Variants in AGO4 observed in about 807,000 individuals in gnomAD.
The protein encoded by AGO4 is protein argonaute-4.
A neutral mutation model predicts 104.7 loss-of-function variants in AGO4; 33 were observed. The ratio of observed to expected loss-of-function variants is 0.32; its 90% CI spans 0.24 to 0.42. The LOEUF is 0.42. Among genes scored for constraint, AGO4 ranks in the 10% least tolerant of loss-of-function variants. The pLI is 1.00. For synonymous variants in AGO4, 331 were observed against 364.7 expected, an observed-to-expected ratio of 0.91 and a Z score of 1.05; for missense variants, 711 against 1,083.4, an observed-to-expected ratio of 0.66 and a Z score of 4.83.
chr1:35,818,887 A>C (rs1269547306), intron 2 of AGO4, among the ~76,000 whole-genome samples: 1 of 152,186 alleles, frequency 6.6e-6, no homozygotes, highest in East Asian at 1.9e-4. Flanking sequence ...TGACTAAATA[A>C]ATCTAAGACA....
chr1:35,850,486 A>G (rs1297435036), intron 16 of AGO4, among the ~76,000 whole-genome samples: 1 of 152,050 alleles, frequency 6.6e-6, no homozygotes, highest in South Asian at 2.1e-4. Flanking sequence ...CATGTCAGAA[A>G]TATATTAATC....
intron 15 of AGO4, among the ~76,000 whole-genome samples, chr1:35,847,341 C>T (rs1041947250): frequency 6.6e-6 from 1 of 151,656 alleles, no homozygotes; most frequent in Non-Finnish European, 1.5e-5. Flanking sequence ...TCAAGTGATT[C>T]TCCTGCCTCA....
intron 4 of AGO4, 84 bp downstream of exon 4, chr1:35,825,578 T>C: frequency 6.5e-7 from 1 of 1,544,440 alleles, no homozygotes; most frequent in African/African-American, 1.4e-5. Context: ...AATTTCTGCA[T>C]AAGTCATTGT....
intron 1 of AGO4, among the ~76,000 whole-genome samples, chr1:35,809,809 T>C (rs1305692957): frequency 6.6e-6 from 1 of 152,186 alleles, no homozygotes. Flanking sequence ...TTCTGTAAGA[T>C]TGTTGAGAGA....
At chr1:35,819,546 G>A (rs1227937363) in intron 2 of AGO4, among the ~76,000 whole-genome samples, 1 of 151,926 alleles carries the variant, frequency 6.6e-6, no homozygotes, top group African/African-American at 2.4e-5. Flanking sequence ...TGGCTAATAT[G>A]GTGAAACCCT....
At chr1:35,850,377 T>C (rs1644670621) in intron 16 of AGO4, 119 bp downstream of exon 16, 2 of 811,654 alleles carry the variant, frequency 2.5e-6, no homozygotes, top group Non-Finnish European at 4.3e-6. Context: ...GCTTGTATCC[T>C]AGAATTATCT....
At chr1:35,816,817 A>AG in intron 1 of AGO4, 65 bp from the exon 2 acceptor site, 2 of 1,410,122 alleles carry the variant, frequency 1.4e-6, no homozygotes, top group African/African-American at 1.6e-5. Context: ...AAAAAAAAAA[A>AG]AAAAGAAAGA....
intron 12 of AGO4, among the ~76,000 whole-genome samples, chr1:35,834,965 G>T: frequency 6.6e-6 from 1 of 151,344 alleles, no homozygotes. Context: ...CCAAAGCATT[G>T]GGATTACAGG....
At chr1:35,812,927 A>C (rs952093786) in intron 1 of AGO4, among the ~76,000 whole-genome samples, 1 of 152,138 alleles carries the variant, frequency 6.6e-6, no homozygotes, top group Non-Finnish European at 1.5e-5. Flanking sequence ...TGATTGCTTA[A>C]GTGTATCTTG....
chr1:35,834,160 A>G lies in AGO4; in HGVS notation c.1550A>G (p.Lys517Arg), dbSNP rs768753616. ...CTAATAGTGGTTATCCTGCCTGGAA[A>G]GACACCAGTATATGGTATGGACCCT... ...LQLIVVILPG[K>R]TPVYAEVKRV... The change falls in exon 12 of 18, where the codon AAG becomes AGG. Residue 517 changes from lysine (K) to arginine (R), a missense_variant. By Grantham distance (26) the Lys-to-Arg change is conservative. Around this residue, in one of 3 missense-constraint regions of AGO4, gnomAD observed 401 missense variants for 665.5 expected, o/e 0.60. Transcript: ENST00000373210. 2 of 1,599,832 alleles carry G rather than the reference A, an allele frequency of 1.3e-6. No individual in the cohort carries two copies. The highest frequency in any genetic ancestry group is 1.7e-6 in the Non-Finnish European group (2 of 1,174,404).
In AGO4 at chr1:35,825,475, A is replaced by G. The variant is rs1449630613; in HGVS notation, c.469A>G (p.Arg157Gly). The G allele has an allele frequency of 6.2e-7, 1 of 1,614,042 alleles. No individual in the cohort carries two copies. The highest frequency in any genetic ancestry group is 1.3e-5 in the African/African-American group (1 of 74,944). Reference sequence around the variant, plus strand: ...AGTACAAGCACTTGATGTTATCACAAGACACCTTCCCTCCATGAGGTTAGT... The same window carrying G: ...AGTACAAGCACTTGATGTTATCACAGGACACCTTCCCTCCATGAGGTTAGT... ...DSVQALDVIT[R>G]HLPSMRYTPV... The change falls in exon 4 of 18, where the codon AGA becomes GGA. Residue 157 changes from arginine (R) to glycine (G), a missense_variant. By Grantham distance (125) the Arg-to-Gly change is moderately radical (BLOSUM62 -2). Coordinates refer to ENST00000373210, the MANE Select transcript of AGO4 (RefSeq NM_017629.4).
chr1:35,833,874 T>A lies in AGO4; in HGVS notation c.1380-116T>A, dbSNP rs560934003. On this transcript the variant is annotated intron_variant, in intron 11 of 17. Coordinates refer to ENST00000373210, the MANE Select transcript of AGO4 (RefSeq NM_017629.4). The stretch of plus-strand genomic sequence containing the variant: ...AAAGATTTTTATTTATTTGTTTACT[T>A]GTTTCTAAATTTGGCTAAGAATTTA... The A allele has an allele frequency of 3.3e-6, 3 of 911,500 alleles. No individual in the cohort carries two copies. The South Asian group carries it at 1.2e-4, about 37-fold the overall frequency. 56.5% of individuals were successfully genotyped at this position (911,500 alleles called of 1,614,324 possible).
rs1644299501 is a variant in AGO4, at chr1:35,835,751, T to G, written c.1565-83T>G. On this transcript the variant is annotated intron_variant, in intron 12 of 17. Coordinates refer to ENST00000373210, the MANE Select transcript of AGO4 (RefSeq NM_017629.4). ...TACAGTATATAGTAGGTTATAAAGT[T>G]AATGTGTGGGGTTTTTTTCCTTCTG... 2.5e-6 allele frequency: 3 copies of G among 1,191,814 alleles called. No individual in the cohort carries two copies. In the East Asian group the frequency reaches 7.7e-5, roughly 30 times the overall value. The allele number at this position is 1,191,814 out of a possible 1,614,324, so 73.8% of individuals were successfully genotyped here. A position where few individuals can be genotyped will look rare whatever the true frequency, so the allele number is the denominator to read the frequency against.
At chr1:35,821,546 C>T (rs996539077) in intron 2 of AGO4, among the ~76,000 whole-genome samples, 4 of 152,184 alleles carry the variant, frequency 2.6e-5, no homozygotes, top group Non-Finnish European at 4.4e-5. Flanking sequence ...ATTTATTCCA[C>T]GGCCTGCATA....
At chr1:35,811,663 G>T (rs532369945) in intron 1 of AGO4, among the ~76,000 whole-genome samples, 1 of 152,042 alleles carries the variant, frequency 6.6e-6, no homozygotes, top group East Asian at 1.9e-4. Context: ...GAGTGCAGTG[G>T]CGCCATCTCG....
chr1:35,815,707 A>G (rs1358967582), intron 1 of AGO4, among the ~76,000 whole-genome samples: 3 of 152,052 alleles, frequency 2.0e-5, no homozygotes, highest in Non-Finnish European at 2.9e-5. Flanking sequence ...GATATTTTGG[A>G]CTGGGTAATT....
rs558886695 is a variant in AGO4, at chr1:35,853,724, G to A, written c.*119G>A. ...TCAGGTGGTCTTCTACCAGCAGCTCGGAATAGTTGCACTGAATCTATACTT... is the reference window on the plus strand; with the variant it reads ...TCAGGTGGTCTTCTACCAGCAGCTCAGAATAGTTGCACTGAATCTATACTT... On this transcript the variant is annotated 3_prime_UTR_variant, in exon 18 of 18. Coordinates refer to ENST00000373210, the MANE Select transcript of AGO4 (RefSeq NM_017629.4). The A allele has an allele frequency of 4.7e-5, 36 of 759,124 alleles. No individual in the cohort carries two copies. Among genetic ancestry groups the A allele is most frequent in the South Asian group, 2.8e-4 (16 of 57,178 alleles). The allele number at this position is 759,124 out of a possible 1,614,324, so 47.0% of individuals were successfully genotyped here.
chr1:35,829,759 G>A (rs750251487), intron 7 of AGO4, among the ~76,000 whole-genome samples: 2 of 141,000 alleles, frequency 1.4e-5, no homozygotes, highest in African/African-American at 5.1e-5. Flanking sequence ...TGAGGCAGGA[G>A]AATCACTTGA....
intron 2 of AGO4, among the ~76,000 whole-genome samples, chr1:35,821,520 GT>G (rs1193441991): frequency 2.0e-5 from 3 of 152,074 alleles, no homozygotes; most frequent in African/African-American, 7.2e-5. Context: ...CTATACACCA[GT>G]TTTTTTGCCA....
Sources: allele counts gnomAD v4.1 joint callset (sites outside exome capture counted in the v4.1 genomes callset), GRCh38; gene constraint gnomAD v4.1.1; regional missense constraint gnomAD v4.1.1; transcripts MANE v1.5; gene names NCBI Gene and HGNC (gene_info 2026-07-23, HGNC 2026-07-21).